The following CALD1 variants were observed in gnomAD, a reference collection of about 807,000 sequenced individuals.
CALD1 encodes the protein caldesmon.
CALD1 carries 33 observed loss-of-function variants against 99.9 expected under a neutral mutation model. The ratio of observed to expected loss-of-function variants is 0.33; its 90% CI spans 0.25 to 0.44. The LOEUF (loss-of-function observed/expected upper bound fraction) is 0.44, where lower values mean the gene tolerates loss of function less well. Ranked by LOEUF, CALD1 falls within the 20% of genes least tolerant of loss-of-function variation. CALD1 has a pLI of 1.00. For missense variants in CALD1, 861 were observed against 962.1 expected, an observed-to-expected ratio of 0.89 and a Z score of 1.39; for synonymous variants, 310 against 325.0, an observed-to-expected ratio of 0.95 and a Z score of 0.50.
At chr7:134,958,920 T>C (rs1040246451) in intron 11 of CALD1, among the ~76,000 whole-genome samples, 2 of 146,128 alleles carry the variant, frequency 1.4e-5, no homozygotes, top group East Asian at 4.0e-4. Flanking sequence ...TTTAACTATA[T>C]ATATATTTAA....
In CALD1 at chr7:134,841,727, G is replaced by C. The variant is rs1799658803; in HGVS notation, c.-129-2157G>C. Among the ~76,000 whole-genome samples, 3 of 152,266 alleles carry C rather than the reference G, an allele frequency of 2.0e-5. No individual in the cohort carries two copies. In the South Asian group the frequency reaches 6.2e-4, roughly 32 times the overall value. On this transcript the variant is annotated intron_variant, in intron 1 of 14. Coordinates refer to ENST00000361675, the MANE Select transcript of CALD1 (RefSeq NM_033138.4). ...TGCTTTCCAGCAAAGGCAGCCCTGT[G>C]GGGATCGTTTTTTGGTAAGACCCTG...
Position 134,969,508 on chromosome 7 carries a change from T to A in CALD1, c.*1163T>A, listed in dbSNP as rs1808904373. ...CAGACAGAAATTCCATGTATGAGTC[T>A]CAACAAAGACTACCTTTGGCTAAAT... is the stretch of plus-strand genomic sequence containing the variant. On this transcript the variant is annotated 3_prime_UTR_variant, in exon 15 of 15. Transcript: ENST00000361675. 6.6e-6 allele frequency: 1 copy of A among 152,186 alleles called. No homozygotes were observed. Among genetic ancestry groups the A allele is most frequent in the South Asian group, 2.1e-4 (1 of 4,830 alleles). 9.4% of individuals were successfully genotyped at this position (152,186 alleles called of 1,614,324 possible).
Position 134,949,153 on chromosome 7 carries a change from T to A in CALD1, c.1795-1221T>A, listed in dbSNP as rs1243179333. ...AAATTAGTAGGTATCATTATTGCCA[T>A]CATTGTTATTATGATTATTATTCAG... On this transcript the variant is annotated intron_variant, in intron 8 of 14. Coordinates refer to ENST00000361675, the MANE Select transcript of CALD1 (RefSeq NM_033138.4). Among the ~76,000 whole-genome samples the A allele has an allele frequency of 3.3e-5, 5 of 152,320 alleles. No individual in the cohort carries two copies. In the South Asian group the frequency reaches 6.2e-4, roughly 19 times the overall value.
Position 134,965,375 on chromosome 7 carries a change from TC to T in CALD1, c.2370del (p.Thr791LeufsTer21), listed in dbSNP as rs766176830. 2 of 1,516,588 alleles carry T rather than the reference TC, an allele frequency of 1.3e-6. No individual in the cohort carries two copies. The highest frequency in any genetic ancestry group is 1.8e-6 in the Non-Finnish European group (2 of 1,090,978). The allele number at this position is 1,516,588 out of a possible 1,614,324, so 93.9% of individuals were successfully genotyped here. A position where few individuals can be genotyped will look rare whatever the true frequency, so the allele number is the denominator to read the frequency against. The stretch of plus-strand genomic sequence containing the variant: ...AAAGCAATCTGTGGATAAGGTCACT[TC>T]CCCCACTAAGGTAATCTATTGGGAA... ...WEKQSVDKVT[S>X]PTKV On this transcript the variant is annotated frameshift_variant, in exon 14 of 15. Transcript: ENST00000361675. LOFTEE classifies it high-confidence loss of function.
At chr7:134,795,653 C>T (rs748045364) in intron 1 of CALD1, among the ~76,000 whole-genome samples, 2 of 152,090 alleles carry the variant, frequency 1.3e-5, no homozygotes, top group Non-Finnish European at 2.9e-5. Flanking sequence ...TCATTCTTCA[C>T]ATTCTTCCAG....
At chr7:134,911,855 G>A (rs1366822242) in intron 3 of CALD1, among the ~76,000 whole-genome samples, 1 of 152,188 alleles carries the variant, frequency 6.6e-6, no homozygotes, top group African/African-American at 2.4e-5. Context: ...AGAAACACAT[G>A]CCATAATATG....
chr7:134,968,368 G>A lies in CALD1; in HGVS notation c.*23G>A. 1 of 1,612,076 alleles carries A rather than the reference G, an allele frequency of 6.2e-7. No homozygotes were observed. ...TGAGACAGTTCCAGAAAGAACCCAA[G>A]CTCAAGACGCAGGACGAGCTCAGTT... On this transcript the variant is annotated 3_prime_UTR_variant, in exon 15 of 15. Coordinates refer to ENST00000361675, the MANE Select transcript of CALD1 (RefSeq NM_033138.4).
At chr7:134,887,598 G>A (rs774380131) in intron 3 of CALD1, among the ~76,000 whole-genome samples, 11 of 150,460 alleles carry the variant, frequency 7.3e-5, no homozygotes, top group East Asian at 2.0e-4. Context: ...GCATGTGTGC[G>A]TATGCATGCA....
intron 1 of CALD1, among the ~76,000 whole-genome samples, chr7:134,806,054 C>A (rs1323206575): frequency 6.6e-6 from 1 of 152,208 alleles, no homozygotes; most frequent in African/African-American, 2.4e-5. Context: ...AGCCACCACA[C>A]CCGGCCCCAA....
intron 1 of CALD1, among the ~76,000 whole-genome samples, chr7:134,756,558 G>T (rs557200147): frequency 6.6e-6 from 1 of 152,144 alleles, no homozygotes; most frequent in Admixed American, 6.5e-5. Flanking sequence ...AATAAACTAT[G>T]TATTATAAAT....
At chr7:134,958,897 A>AAC (rs1808022190) in intron 11 of CALD1, among the ~76,000 whole-genome samples, 1 of 102,130 alleles carries the variant, frequency 9.8e-6, no homozygotes, top group Non-Finnish European at 2.0e-5. Flanking sequence ...ATATATATAT[A>AAC]TATATATATA....
chr7:134,804,823 C>T (rs1798075921), intron 1 of CALD1, among the ~76,000 whole-genome samples: 1 of 152,230 alleles, frequency 6.6e-6, no homozygotes, highest in Non-Finnish European at 1.5e-5. Flanking sequence ...GGTCTCCTTG[C>T]CCGCTTCCTA....
At position 134,947,613 on chromosome 7, in the gene CALD1, C is replaced by G. The variant is rs1456286796; in HGVS notation, c.1638C>G (p.Thr546=). 2 of 1,563,392 alleles carry G rather than the reference C, an allele frequency of 1.3e-6. No individual in the cohort carries two copies. The highest frequency in any genetic ancestry group is 2.7e-5 in the African/African-American group (2 of 73,432). Residue 546 remains threonine, a synonymous_variant, in exon 8 of 15, where the codon ACC becomes ACG. Coordinates refer to ENST00000361675, the MANE Select transcript of CALD1 (RefSeq NM_033138.4). The part of the protein sequence containing the change: ...LEELRRRRGE[T]ESEEFEKLKQ... ...AGCTTCGTCGTCGTCGCGGGGAGAC[C>G]GAGAGCGAAGAGTTCGAGAAGCTCA... is the stretch of plus-strand genomic sequence containing the variant.
chr7:134,711,660 C>CTATA, the CALD1 span, among the ~76,000 whole-genome samples: 66 of 78,336 alleles, frequency 8.4e-4, 1 homozygote, highest in South Asian at 3.6e-3. Context: ...CTCTCTCTCT[C>CTATA]TATATATATA....
intron 1 of CALD1, among the ~76,000 whole-genome samples, chr7:134,834,094 C>T (rs1193371576): frequency 2.0e-5 from 3 of 152,160 alleles, no homozygotes; most frequent in South Asian, 2.1e-4. Context: ...TCTGATGATA[C>T]GTCAGAGTAG....
At position 134,792,820 on chromosome 7, in the gene CALD1, C is replaced by T. The variant is rs192441688; in HGVS notation, c.-130+13071C>T. 2.4e-4 allele frequency among the ~76,000 whole-genome samples: 36 copies of T among 152,288 alleles called. 1 individual carries two copies. The highest frequency in any genetic ancestry group is 8.2e-4 in the African/African-American group (34 of 41,550). ...AATCCATATGGCACATTTTCTGAAG[C>T]TCAAGTGCCAAAGACCCTACTGCTG... is the stretch of plus-strand genomic sequence containing the variant. On this transcript the variant is annotated intron_variant, in intron 1 of 14. Transcript: ENST00000361675.
chr7:134,884,587 G>A (rs556214615), intron 3 of CALD1, among the ~76,000 whole-genome samples: 7 of 151,456 alleles, frequency 4.6e-5, no homozygotes, highest in Non-Finnish European at 1.0e-4. Context: ...TGTCGATTCT[G>A]GACCTCCCAA....
chr7:134,856,315 T>A (rs3800741), intron 2 of CALD1, among the ~76,000 whole-genome samples: 26,344 of 152,108 alleles, frequency 0.17, 3,299 homozygotes, highest in African/African-American at 0.35. Flanking sequence ...TTTCCTGTGA[T>A]CTGGGCTGGG....
chr7:134,724,331 A>G, the CALD1 span, among the ~76,000 whole-genome samples: 1 of 152,204 alleles, frequency 6.6e-6, no homozygotes, highest in Non-Finnish European at 1.5e-5. Flanking sequence ...CTTAGCTGGG[A>G]AAGGCCTTTG....
Sources: allele counts gnomAD v4.1 joint callset (sites outside exome capture counted in the v4.1 genomes callset), GRCh38; gene constraint gnomAD v4.1.1; transcripts MANE v1.5; gene names NCBI Gene and HGNC (gene_info 2026-07-23, HGNC 2026-07-21).